The following MYO3B variants were observed in gnomAD, a reference collection of about 807,000 sequenced individuals.
MYO3B encodes myosin IIIB.
In MYO3B, 156 loss-of-function variants were observed where a neutral mutation model predicts 174.6. The observed-to-expected ratio is 0.89, with a 90% CI of 0.78 to 1.02. The LOEUF (loss-of-function observed/expected upper bound fraction) is 1.02. Among genes scored for constraint, MYO3B ranks in the 50% least tolerant of loss-of-function variants. MYO3B has a pLI of 0.00. For missense variants in MYO3B, 1,632 were observed against 1,639.4 expected (o/e 1.00, Z 0.08); for synonymous variants, 563 against 569.1 (o/e 0.99, Z 0.15).
intron 7 of MYO3B, among the ~76,000 whole-genome samples, chr2:170,311,663 A>G (rs1464153371): frequency 6.6e-6 from 1 of 151,848 alleles, no homozygotes; most frequent in Non-Finnish European, 1.5e-5. Context: ...GGTGTGTCAT[A>G]CCTAAGAATC....
chr2:170,465,299 G>A (rs115494604), intron 24 of MYO3B, among the ~76,000 whole-genome samples: 4 of 152,276 alleles, frequency 2.6e-5, no homozygotes, highest in Non-Finnish European at 5.9e-5. Flanking sequence ...TAGAGCAGGC[G>A]TGTTACATGG....
intron 32 of MYO3B, among the ~76,000 whole-genome samples, chr2:170,607,473 C>T (rs1178954355): frequency 6.6e-6 from 1 of 152,228 alleles, no homozygotes; most frequent in African/African-American, 2.4e-5. Flanking sequence ...AAACCACACT[C>T]TAGTTTCTAT....
intron 1 of MYO3B, among the ~76,000 whole-genome samples, chr2:170,197,955 C>A (rs1242117093): frequency 6.6e-6 from 1 of 152,088 alleles, no homozygotes; most frequent in Non-Finnish European, 1.5e-5. Flanking sequence ...GGCGAATCAG[C>A]CACACGTCAG....
chr2:170,626,723 G>A (rs1696470427), intron 32 of MYO3B, among the ~76,000 whole-genome samples: 1 of 152,194 alleles, frequency 6.6e-6, no homozygotes, highest in Non-Finnish European at 1.5e-5. Context: ...TCCTTCAGGA[G>A]CTCTTGTAGG....
At chr2:170,222,488 C>T (rs937042350) in intron 6 of MYO3B, among the ~76,000 whole-genome samples, 7 of 152,162 alleles carry the variant, frequency 4.6e-5, no homozygotes, top group African/African-American at 1.4e-4. Flanking sequence ...CTTGCTTTGT[C>T]TCTTCCCAGC....
chr2:170,181,892 C>T (rs1027637690), intron 1 of MYO3B, among the ~76,000 whole-genome samples: 1 of 152,062 alleles, frequency 6.6e-6, no homozygotes, highest in African/African-American at 2.4e-5. Context: ...TCTCTTAACA[C>T]TATTATCAAA....
At chr2:170,434,283 G>A (rs1048191530) in intron 22 of MYO3B, among the ~76,000 whole-genome samples, 3 of 151,918 alleles carry the variant, frequency 2.0e-5, no homozygotes, top group Non-Finnish European at 2.9e-5. Context: ...TCAACCTCCC[G>A]GGCTCAACTT....
intron 32 of MYO3B, among the ~76,000 whole-genome samples, chr2:170,598,390 G>C (rs1198875707): frequency 6.6e-6 from 1 of 152,228 alleles, no homozygotes; most frequent in Non-Finnish European, 1.5e-5. Context: ...GCCTCCATCT[G>C]AATAAACAGA....
At chr2:170,553,752 C>T (rs1380961483) in intron 32 of MYO3B, among the ~76,000 whole-genome samples, 5 of 152,102 alleles carry the variant, frequency 3.3e-5, no homozygotes, top group Admixed American at 1.3e-4. Context: ...AGCTCTGCAT[C>T]GCCACCCAAA....
At chr2:170,637,175 T>A (rs1435855902) in intron 32 of MYO3B, among the ~76,000 whole-genome samples, 1 of 148,090 alleles carries the variant, frequency 6.8e-6, no homozygotes, top group Admixed American at 6.8e-5. Context: ...TGTAGGGTTT[T>A]TTTTTTTTTT....
At chr2:170,351,607 A>T (rs531920808) in intron 8 of MYO3B, among the ~76,000 whole-genome samples, 1 of 152,166 alleles carries the variant, frequency 6.6e-6, no homozygotes, top group East Asian at 1.9e-4. Flanking sequence ...CCATAACATT[A>T]CTAGAATAGG....
intron 25 of MYO3B, among the ~76,000 whole-genome samples, chr2:170,487,503 A>G (rs1575060468): frequency 6.6e-6 from 1 of 152,344 alleles, no homozygotes; most frequent in East Asian, 1.9e-4. Context: ...TGATTTACAA[A>G]GTGGTGAATG....
intron 25 of MYO3B, among the ~76,000 whole-genome samples, chr2:170,497,603 G>A (rs1686958123): frequency 7.8e-6 from 1 of 128,198 alleles, no homozygotes; most frequent in South Asian, 3.1e-4. Flanking sequence ...GGGCAACAGA[G>A]CGAGACTCAG....
At chr2:170,221,188 T>G (rs560388620) in intron 6 of MYO3B, among the ~76,000 whole-genome samples, 26 of 152,194 alleles carry the variant, frequency 1.7e-4, no homozygotes, top group African/African-American at 6.3e-4. Flanking sequence ...CACTTCTGCT[T>G]GTATGAATAA....
intron 28 of MYO3B, 147 bp downstream of exon 28, chr2:170,502,012 C>T (rs1687304541): frequency 1.7e-6 from 1 of 602,590 alleles, no homozygotes; most frequent in Non-Finnish European, 2.9e-6. Flanking sequence ...TGTTCTGACC[C>T]TCCTTGTGTG....
At chr2:170,377,501 G>A (rs10195131) in intron 9 of MYO3B, among the ~76,000 whole-genome samples, 48,429 of 151,844 alleles carry the variant, frequency 0.32, 8,966 homozygotes, top group African/African-American at 0.52. Flanking sequence ...GTACAGACTT[G>A]CCCTCATTCC....
intron 7 of MYO3B, among the ~76,000 whole-genome samples, chr2:170,317,234 G>C (rs1238877509): frequency 6.6e-6 from 1 of 152,000 alleles, no homozygotes; most frequent in African/African-American, 2.4e-5. Flanking sequence ...CATCTTGGGC[G>C]ATTTGCATTT....
chr2:170,407,962 C>T (rs895763490), intron 22 of MYO3B, 118 bp downstream of exon 22: 1 of 1,231,362 alleles, frequency 8.1e-7, no homozygotes, highest in Non-Finnish European at 1.2e-6. Context: ...CTTCTTTAAG[C>T]AGGAGTAAGG....
chr2:170,497,539 A>T (rs1330410001), intron 25 of MYO3B, among the ~76,000 whole-genome samples: 1 of 152,022 alleles, frequency 6.6e-6, no homozygotes, highest in Non-Finnish European at 1.5e-5. Flanking sequence ...AATGGCGCAA[A>T]CCCGGGAGGC....
Sources: allele counts gnomAD v4.1 joint callset (sites outside exome capture counted in the v4.1 genomes callset), GRCh38; gene constraint gnomAD v4.1.1; transcripts MANE v1.5; gene names NCBI Gene and HGNC (gene_info 2026-07-23, HGNC 2026-07-21).